Variants in EXOC6B observed in about 807,000 individuals in gnomAD.
EXOC6B encodes SEC15 homolog B.
A neutral mutation model predicts 113.5 loss-of-function variants in EXOC6B; 54 were observed. The ratio of observed to expected loss-of-function variants is 0.48; its 90% CI spans 0.38 to 0.60. The LOEUF is 0.60. EXOC6B is among the 20% of genes least tolerant of loss of function. EXOC6B has a pLI of 0.00. For missense variants in EXOC6B, 797 were observed against 977.5 expected, an observed-to-expected ratio of 0.82 and a Z score of 2.46; for synonymous variants, 357 against 339.0, an observed-to-expected ratio of 1.05 and a Z score of -0.58.
intron 20 of EXOC6B, among the ~76,000 whole-genome samples, chr2:72,228,429 C>T (rs1001437801): frequency 4.1e-5 from 6 of 145,006 alleles, no homozygotes; most frequent in African/African-American, 1.5e-4. Flanking sequence ...CCCCTCACCC[C>T]ACAATAGGCC....
chr2:72,737,697 T>C (rs1291904438), intron 2 of EXOC6B, among the ~76,000 whole-genome samples: 1 of 151,950 alleles, frequency 6.6e-6, no homozygotes, highest in Non-Finnish European at 1.5e-5. Flanking sequence ...CTACCAAAAA[T>C]ACAAAAATTA....
chr2:72,192,094 C>T (rs926010042), intron 20 of EXOC6B, among the ~76,000 whole-genome samples: 4 of 152,120 alleles, frequency 2.6e-5, no homozygotes, highest in Admixed American at 2.0e-4. Flanking sequence ...GTTGGACGTA[C>T]CCTACCTTCG....
intron 9 of EXOC6B, 114 bp from the exon 10 acceptor site, chr2:72,514,794 G>T: frequency 1.5e-6 from 1 of 660,412 alleles, no homozygotes; most frequent in Non-Finnish European, 2.6e-6. Context: ...TATCTGATAA[G>T]GTAAAAATAA....
At chr2:72,420,625 T>TC (rs1331284818) in intron 18 of EXOC6B, among the ~76,000 whole-genome samples, 3 of 152,222 alleles carry the variant, frequency 2.0e-5, no homozygotes, top group African/African-American at 7.2e-5. Context: ...ATTTTCTTAA[T>TC]CAATCTATCA....
In EXOC6B at chr2:72,514,630, C is replaced by A. The variant is rs535862997; in HGVS notation, c.1046+4G>T. ...AATATATATATATATATATATATAC[C>A]TACCCTACAATTTGATTAAAATACT... is the stretch of plus-strand genomic sequence containing the variant. On this transcript the variant is annotated splice_donor_region_variant and intron_variant, in intron 10 of 21. Transcript: ENST00000272427. 1.4e-3 allele frequency: 918 copies of A among 665,710 alleles called. 5 individuals are homozygous for A. In the African/African-American group the frequency reaches 0.015, roughly 11 times the overall value. 41.2% of individuals were successfully genotyped at this position (665,710 alleles called of 1,614,324 possible). A position where few individuals can be genotyped will look rare whatever the true frequency, so the allele number is the denominator to read the frequency against.
At chr2:72,359,275 G>C (rs1424139109) in intron 19 of EXOC6B, among the ~76,000 whole-genome samples, 1 of 152,160 alleles carries the variant, frequency 6.6e-6, no homozygotes, top group Non-Finnish European at 1.5e-5. Context: ...TAGGGCATAA[G>C]GGCTCAGCCA....
intron 8 of EXOC6B, among the ~76,000 whole-genome samples, chr2:72,535,039 T>C (rs1164872890): frequency 6.6e-6 from 1 of 152,318 alleles, no homozygotes; most frequent in African/African-American, 2.4e-5. Context: ...AAGGAATGTG[T>C]TTCCCATTAA....
chr2:72,474,138 T>A (rs983221825), intron 17 of EXOC6B, among the ~76,000 whole-genome samples: 5 of 152,088 alleles, frequency 3.3e-5, no homozygotes, highest in Non-Finnish European at 7.4e-5. Flanking sequence ...CCACTGTTAG[T>A]CTGATGATGA....
chr2:72,498,384 G>T, intron 13 of EXOC6B, 70 bp downstream of exon 13: 1 of 1,034,222 alleles, frequency 9.7e-7, no homozygotes, highest in Non-Finnish European at 1.4e-6. Context: ...GAAAACCTTT[G>T]CGCATAAATA....
intron 6 of EXOC6B, among the ~76,000 whole-genome samples, chr2:72,614,152 T>C (rs887928889): frequency 6.6e-5 from 10 of 152,082 alleles, no homozygotes; most frequent in Admixed American, 5.2e-4. Context: ...TTTTAATGAA[T>C]ACACAAAGGG....
chr2:72,571,526 C>T (rs1234784397), intron 7 of EXOC6B, among the ~76,000 whole-genome samples: 1 of 151,990 alleles, frequency 6.6e-6, no homozygotes, highest in Non-Finnish European at 1.5e-5. Context: ...CTTTTATTAG[C>T]TTAGCCAATA....
chr2:72,708,677 A>G (rs1326838941), intron 6 of EXOC6B, among the ~76,000 whole-genome samples: 1 of 152,264 alleles, frequency 6.6e-6, no homozygotes, highest in South Asian at 2.1e-4. Context: ...GAGTCTATAC[A>G]TGTTTTAAAA....
intron 8 of EXOC6B, among the ~76,000 whole-genome samples, chr2:72,524,955 T>C (rs115288542): frequency 0.014 from 2,184 of 152,328 alleles, 54 homozygotes; most frequent in African/African-American, 0.049. Context: ...GTGACCCTTA[T>C]TTGAAGAGAG....
chr2:72,518,101 T>C (rs1038017475), intron 8 of EXOC6B, among the ~76,000 whole-genome samples: 1 of 152,144 alleles, frequency 6.6e-6, no homozygotes, highest in Non-Finnish European at 1.5e-5. Flanking sequence ...TCCAGTTGAG[T>C]AATTGGTGCA....
chr2:72,654,840 G>C (rs1674471016), intron 6 of EXOC6B, among the ~76,000 whole-genome samples: 1 of 152,102 alleles, frequency 6.6e-6, no homozygotes. Flanking sequence ...AACTGAGCAT[G>C]TTTTCTTGGG....
intron 20 of EXOC6B, among the ~76,000 whole-genome samples, chr2:72,198,010 C>G (rs1679275486): frequency 6.6e-6 from 1 of 152,218 alleles, no homozygotes; most frequent in Non-Finnish European, 1.5e-5. Flanking sequence ...GGATATTGCC[C>G]CATGATCTAC....
At chr2:72,725,898 A>G (rs1377631050) in intron 5 of EXOC6B, among the ~76,000 whole-genome samples, 1 of 152,212 alleles carries the variant, frequency 6.6e-6, no homozygotes, top group Non-Finnish European at 1.5e-5. Flanking sequence ...AGAAAACTGA[A>G]AGCATATGCT....
intron 17 of EXOC6B, among the ~76,000 whole-genome samples, chr2:72,479,404 AC>A (rs1698942758): frequency 6.6e-6 from 1 of 152,124 alleles, no homozygotes; most frequent in Admixed American, 6.5e-5. Context: ...TCTTGCGCCT[AC>A]TGTCAAAAGA....
intron 7 of EXOC6B, among the ~76,000 whole-genome samples, chr2:72,567,892 G>A (rs1704280550): frequency 6.6e-6 from 1 of 151,988 alleles, no homozygotes; most frequent in African/African-American, 2.4e-5. Flanking sequence ...TGAAAGAAAT[G>A]ATAAAAATAG....
Sources: gnomAD v4.1 joint callset for allele counts (sites outside exome capture counted in the v4.1 genomes callset) on GRCh38, gnomAD v4.1.1 for gene constraint, MANE v1.5 for transcripts, NCBI Gene and HGNC (gene_info 2026-07-23, HGNC 2026-07-21) for gene names.